The following DOCK10 variants were observed in gnomAD, a reference collection of about 807,000 sequenced individuals.
DOCK10 encodes the protein dedicator of cytokinesis protein 10.
DOCK10 carries 145 observed loss-of-function variants against 280.1 expected under a neutral mutation model. The observed-to-expected ratio is 0.52, with a 90% CI of 0.45 to 0.59. The LOEUF (loss-of-function observed/expected upper bound fraction) is 0.59, where lower values mean the gene tolerates loss of function less well. DOCK10 is among the 20% of genes least tolerant of loss of function. The pLI is 0.00. For synonymous variants in DOCK10, 915 were observed against 942.2 expected (o/e 0.97, Z 0.53); for missense variants, 2,368 against 2,651.7 (o/e 0.89, Z 2.35).
At chr2:224,962,284 G>T (rs1156365523) in intron 1 of DOCK10, among the ~76,000 whole-genome samples, 1 of 152,212 alleles carries the variant, frequency 6.6e-6, no homozygotes, top group African/African-American at 2.4e-5. Flanking sequence ...TAGGTATGTA[G>T]CATTGGGTTC....
chr2:224,992,298 A>G (rs145591010), intron 1 of DOCK10, among the ~76,000 whole-genome samples: 1 of 152,356 alleles, frequency 6.6e-6, no homozygotes, highest in African/African-American at 2.4e-5. Context: ...AGTTAAATCT[A>G]GTTTACAATA....
chr2:224,886,886 A>ACCCCCCCCCCCCCCCCC (rs879598680), intron 4 of DOCK10, among the ~76,000 whole-genome samples: 2 of 135,190 alleles, frequency 1.5e-5, no homozygotes, highest in African/African-American at 6.1e-5. Flanking sequence ...AGCACCCCCA[A>ACCCCCCCCCCCCCCCCC]CACCCCCCCA....
chr2:224,945,272 C>G (rs1703333780), intron 1 of DOCK10, among the ~76,000 whole-genome samples: 1 of 152,180 alleles, frequency 6.6e-6, no homozygotes, highest in Admixed American at 6.5e-5. Flanking sequence ...TTCTCCTTAA[C>G]AGGCTGACAA....
At chr2:224,775,827 C>A (rs1366886124) in intron 51 of DOCK10, among the ~76,000 whole-genome samples, 1 of 152,168 alleles carries the variant, frequency 6.6e-6, no homozygotes, top group Non-Finnish European at 1.5e-5. Context: ...TAAAAAATAT[C>A]TTTTGGTCCC....
rs771919965 is a variant in DOCK10 at position 224,816,721 on chromosome 2, A to G, written c.3268-8T>C. 6.7e-7 allele frequency: 1 copy of G among 1,491,268 alleles called. No homozygotes were observed. The highest frequency in any genetic ancestry group is 1.2e-5 in the South Asian group (1 of 84,970). The allele number at this position is 1,491,268 out of a possible 1,614,324, so 92.4% of individuals were successfully genotyped here. ...TTTATACTGGCACAAGGTCTGAAAG[A>G]GAGGCAAACTAAATGACTATGACTT... On this transcript the variant is annotated splice_polypyrimidine_tract_variant and splice_region_variant and intron_variant, in intron 29 of 55. Transcript: ENST00000258390.
In DOCK10 at chr2:224,874,684, T is replaced by C; in HGVS notation, c.999A>G (p.Leu333=). Residue 333 remains leucine, a synonymous_variant, in exon 9 of 56, where the codon CTA becomes CTG. Transcript: ENST00000258390. ...TTATTACCTTTGCAAAGTCTGCGTG[T>C]AGGTTGTTCTCTGAAGAATCTGTTT... ...PEETDSSENN[L]HADFAKYLTE... 1 of 1,613,958 alleles carries C rather than the reference T, an allele frequency of 6.2e-7. No homozygotes were observed. The highest frequency in any genetic ancestry group is 1.3e-5 in the African/African-American group (1 of 75,068).
chr2:224,844,680 C>G, intron 22 of DOCK10, 73 bp downstream of exon 22: 1 of 964,384 alleles, frequency 1.0e-6, no homozygotes, highest in East Asian at 2.6e-5. Context: ...TAGTCTCATC[C>G]TGTAAATAGG....
intron 3 of DOCK10, among the ~76,000 whole-genome samples, chr2:224,914,505 T>C (rs960651096): frequency 1.3e-5 from 2 of 152,236 alleles, no homozygotes; most frequent in African/African-American, 2.4e-5. Flanking sequence ...CAAAAGCCCA[T>C]TGATTTTATT....
rs1393266846 is a variant in DOCK10, at chr2:224,970,070, C to T, written c.124-38402G>A. Among the ~76,000 whole-genome samples, 1 of 152,094 alleles carries T rather than the reference C, an allele frequency of 6.6e-6. No homozygotes were observed. The highest frequency in any genetic ancestry group is 2.4e-5 in the African/African-American group (1 of 41,418). On this transcript the variant is annotated intron_variant, in intron 1 of 55. Transcript: ENST00000258390. This position sits in a 1 kb window ranked among gnomAD's most constrained non-coding sequence, Gnocchi z 4.6. Reference sequence around the variant, plus strand: ...TCGTCTTTTTGAGCAACTCTGTTCACCTGATGAGTGTTCTATTTAATATTC... The same window carrying T: ...TCGTCTTTTTGAGCAACTCTGTTCATCTGATGAGTGTTCTATTTAATATTC...
intron 1 of DOCK10, among the ~76,000 whole-genome samples, chr2:224,964,347 A>G (rs1704612198): frequency 6.6e-6 from 1 of 152,216 alleles, no homozygotes; most frequent in South Asian, 2.1e-4. Context: ...ACCTCTTTGA[A>G]AGAGATATGA....
chr2:224,905,485 A>G (rs1427245459), intron 3 of DOCK10, among the ~76,000 whole-genome samples: 1 of 151,060 alleles, frequency 6.6e-6, no homozygotes, highest in Non-Finnish European at 1.5e-5. Context: ...TCCTGACCTC[A>G]TGATCCACCC....
intron 3 of DOCK10, among the ~76,000 whole-genome samples, chr2:224,904,769 T>C (rs1700492992): frequency 1.3e-5 from 2 of 152,160 alleles, no homozygotes; most frequent in Non-Finnish European, 2.9e-5. Flanking sequence ...ACAAAGGCAT[T>C]TTGGTCAAAA....
intron 1 of DOCK10, among the ~76,000 whole-genome samples, chr2:224,933,241 T>C (rs1702500004): frequency 6.6e-6 from 1 of 152,206 alleles, no homozygotes; most frequent in Non-Finnish European, 1.5e-5. Context: ...CATTGCCTTT[T>C]GATATTATTC....
intron 50 of DOCK10, among the ~76,000 whole-genome samples, chr2:224,779,027 T>C (rs1691092310): frequency 6.6e-6 from 1 of 152,084 alleles, no homozygotes; most frequent in Non-Finnish European, 1.5e-5. Context: ...CAAGTAGGTT[T>C]TAGCCTCTAT....
chr2:224,771,762 T>C (rs1478986103), intron 53 of DOCK10, among the ~76,000 whole-genome samples: 1 of 152,172 alleles, frequency 6.6e-6, no homozygotes. Flanking sequence ...TTCCCTTCAC[T>C]CAGCTATGTG....
chr2:224,772,966 CT>C (rs1174712830), intron 53 of DOCK10, among the ~76,000 whole-genome samples, 190 bp downstream of exon 53: 1 of 152,186 alleles, frequency 6.6e-6, no homozygotes, highest in Non-Finnish European at 1.5e-5. Context: ...TAAGAAAGGC[CT>C]ATCTACAGGT....
At chr2:224,973,611 G>A (rs770926857) in intron 1 of DOCK10, among the ~76,000 whole-genome samples, 2 of 151,994 alleles carry the variant, frequency 1.3e-5, no homozygotes, top group South Asian at 2.1e-4. Flanking sequence ...AGTGAGATCC[G>A]TTTCAGATTT....
rs531523823 is a variant in DOCK10 at position 225,028,509 on chromosome 2, GACTTCTCACCTACACT to G, written c.123+13727_123+13742del. Among the ~76,000 whole-genome samples the G allele has an allele frequency of 3.9e-5, 6 of 152,250 alleles. No individual in the cohort carries two copies. The East Asian group carries it at 1.2e-3, about 29-fold the overall frequency. ...TTTTAGCCTGGTGAGACCCTCACCAGACTTCTCACCTACACTACGGTAGGATAATACACAGATGCTG... is the reference window on the plus strand; with the variant it reads ...TTTTAGCCTGGTGAGACCCTCACCAGACGGTAGGATAATACACAGATGCTG... On this transcript the variant is annotated intron_variant, in intron 1 of 55. Transcript: ENST00000258390.
intron 1 of DOCK10, among the ~76,000 whole-genome samples, chr2:225,036,526 G>A (rs1690263835): frequency 6.6e-6 from 1 of 152,086 alleles, no homozygotes; most frequent in Non-Finnish European, 1.5e-5. Flanking sequence ...AATCACTAGG[G>A]GATCTTATTA....
Sources: allele counts gnomAD v4.1 joint callset (sites outside exome capture counted in the v4.1 genomes callset), GRCh38; gene constraint gnomAD v4.1.1; non-coding constraint Gnocchi (gnomAD v3.1); transcripts MANE v1.5; gene names NCBI Gene and HGNC (gene_info 2026-07-23, HGNC 2026-07-21).